The following TTLL7 variants were observed in gnomAD, a reference collection of about 807,000 sequenced individuals.
TTLL7 encodes the protein tubulin polyglutamylase TTLL7.
TTLL7 carries 53 observed loss-of-function variants against 120.2 expected under a neutral mutation model. That is an observed-to-expected ratio of 0.44 (90% confidence interval 0.35 to 0.55). TTLL7 has a LOEUF of 0.55. Ranked by LOEUF, TTLL7 falls within the 20% of genes least tolerant of loss-of-function variation. The pLI, the probability that TTLL7 is intolerant of heterozygous loss-of-function variation, is 0.00. For synonymous variants in TTLL7, 353 were observed against 351.7 expected (o/e 1.00, Z -0.04); for missense variants, 803 against 1,054.7 (o/e 0.76, Z 3.31).
At chr1:83,974,226 T>C (rs761556862) in intron 1 of TTLL7, among the ~76,000 whole-genome samples, 1 of 151,994 alleles carries the variant, frequency 6.6e-6, no homozygotes, top group African/African-American at 2.4e-5. Context: ...GAATGCATAC[T>C]AAGTATTACG....
chr1:83,988,434 G>C (rs1652681933), intron 1 of TTLL7, among the ~76,000 whole-genome samples: 1 of 152,198 alleles, frequency 6.6e-6, no homozygotes, highest in South Asian at 2.1e-4. Flanking sequence ...TAGTAGTTCT[G>C]TTTTAAGTTA....
intron 14 of TTLL7, among the ~76,000 whole-genome samples, chr1:83,917,138 T>A (rs1416416976): frequency 6.6e-6 from 1 of 151,422 alleles, no homozygotes; most frequent in African/African-American, 2.4e-5. Context: ...AGATGTCATC[T>A]ACATGACAGC....
At chr1:83,897,826 C>T (rs996203713) in intron 18 of TTLL7, among the ~76,000 whole-genome samples, 4 of 148,678 alleles carry the variant, frequency 2.7e-5, no homozygotes, top group African/African-American at 7.4e-5. Flanking sequence ...TGCCTACTTG[C>T]GCTCTCTCTC....
At chr1:83,997,275 A>C (rs1366799053) in intron 1 of TTLL7, among the ~76,000 whole-genome samples, 2 of 152,218 alleles carry the variant, frequency 1.3e-5, no homozygotes, top group African/African-American at 4.8e-5. Flanking sequence ...CATCTGTACT[A>C]TAGCAACCTG....
chr1:83,896,223 G>A (rs1656207015), intron 18 of TTLL7, among the ~76,000 whole-genome samples: 1 of 151,958 alleles, frequency 6.6e-6, no homozygotes, highest in South Asian at 2.1e-4. Flanking sequence ...TAGAATATAG[G>A]TATCCATTTC....
intron 1 of TTLL7, chr1:83,979,866 T>C (rs1286599511): frequency 2.6e-5 from 4 of 152,218 alleles, no homozygotes; most frequent in African/African-American, 4.8e-5. Context: ...GACTTGCTTA[T>C]GGCAAATTTT....
chr1:83,930,794 T>C (rs1659532822), intron 9 of TTLL7, among the ~76,000 whole-genome samples: 1 of 152,092 alleles, frequency 6.6e-6, no homozygotes, highest in South Asian at 2.1e-4. Context: ...GCCAGGCATA[T>C]CCCTCCTCCA....
chr1:83,902,656 A>G (rs1299833955), intron 18 of TTLL7, among the ~76,000 whole-genome samples: 7 of 151,834 alleles, frequency 4.6e-5, no homozygotes, highest in Non-Finnish European at 8.8e-5. Context: ...TGATTTCTAC[A>G]TGTAGGAGTG....
At chr1:83,985,599 A>C (rs1052620339) in intron 1 of TTLL7, among the ~76,000 whole-genome samples, 2 of 152,188 alleles carry the variant, frequency 1.3e-5, no homozygotes, top group Non-Finnish European at 2.9e-5. Flanking sequence ...AGTCACCAAC[A>C]TCAAAAATGA....
In TTLL7 at chr1:83,933,782, A is replaced by C; in HGVS notation, c.889-16T>G. On this transcript the variant is annotated splice_polypyrimidine_tract_variant and intron_variant, in intron 8 of 20. Transcript: ENST00000260505. ...CCACCAATTCCTATAAGATTGTGAT[A>C]AAAGAAGTGAAAATGCCTTTGTATC... The C allele has an allele frequency of 6.3e-7, 1 of 1,591,982 alleles. No homozygotes were observed.
intron 18 of TTLL7, among the ~76,000 whole-genome samples, chr1:83,900,500 T>G (rs535685332): frequency 7.2e-5 from 11 of 151,940 alleles, no homozygotes; most frequent in Non-Finnish European, 1.5e-4. Context: ...ATATGTGGTG[T>G]GTGAGATTGT....
rs74936262 is a variant in TTLL7 at position 83,875,626 on chromosome 1, G to A, written c.2544-5544C>T. On this transcript the variant is annotated intron_variant, in intron 20 of 20. Transcript: ENST00000260505. ...TACCAACTTTCACTTTACAAGCAGG[G>A]TAAGAGAGTTCCTATTACTCTATGT... 6.4e-3 allele frequency among the ~76,000 whole-genome samples: 973 copies of A among 151,950 alleles called. 18 individuals are homozygous for A. The highest frequency in any genetic ancestry group is 0.022 in the African/African-American group (927 of 41,504).
chr1:83,905,452 C>T (rs996113366), intron 17 of TTLL7, among the ~76,000 whole-genome samples: 1 of 150,540 alleles, frequency 6.6e-6, no homozygotes, highest in East Asian at 2.0e-4. Context: ...TGCTAAAAAA[C>T]GAAAATGCCA....
chr1:83,887,119 C>CA (rs1655038792), intron 19 of TTLL7: 1 of 580,306 alleles, frequency 1.7e-6, no homozygotes. Flanking sequence ...GGAAACCTAC[C>CA]ACAAAGATCT....
Position 83,921,149 on chromosome 1 carries a change from G to GA in TTLL7, c.1301dup (p.Ala435ArgfsTer13). On this transcript the variant is annotated frameshift_variant, in exon 12 of 21. Coordinates refer to ENST00000260505, the MANE Select transcript of TTLL7 (RefSeq NM_024686.6). LOFTEE classifies it high-confidence loss of function. ...GTGAGATCTGCTTTCGTACTTGAGC[G>GA]AGTCTCTCTTTCTGGAAATGAGAAA... 1.2e-6 allele frequency: 2 copies of GA among 1,612,612 alleles called. No individual in the cohort carries two copies. The highest frequency in any genetic ancestry group is 1.7e-6 in the Non-Finnish European group (2 of 1,179,488).
chr1:83,897,662 T>A (rs1656355115), intron 18 of TTLL7, among the ~76,000 whole-genome samples: 1 of 151,986 alleles, frequency 6.6e-6, no homozygotes, highest in Non-Finnish European at 1.5e-5. Context: ...CTGCTCACTG[T>A]GATCCCTTCA....
chr1:83,914,456 C>T (rs1397226819), intron 14 of TTLL7, among the ~76,000 whole-genome samples: 3 of 151,466 alleles, frequency 2.0e-5, no homozygotes, highest in African/African-American at 4.9e-5. Flanking sequence ...TTCAGCCTCC[C>T]GAGTAGCTGG....
At chr1:83,952,163 A>C (rs776225308) in intron 2 of TTLL7, 24 bp downstream of exon 2, 5 of 1,610,570 alleles carry the variant, frequency 3.1e-6, no homozygotes, top group Non-Finnish European at 4.2e-6. Context: ...ATATTTTGTA[A>C]CATAGTTAAG....
intron 20 of TTLL7, among the ~76,000 whole-genome samples, chr1:83,876,557 A>G (rs1042997403): frequency 6.6e-6 from 1 of 152,020 alleles, no homozygotes; most frequent in Non-Finnish European, 1.5e-5. Flanking sequence ...AAGAACTGAC[A>G]TATCAATAAT....
Sources: allele counts gnomAD v4.1 joint callset (sites outside exome capture counted in the v4.1 genomes callset), GRCh38; gene constraint gnomAD v4.1.1; transcripts MANE v1.5; gene names NCBI Gene and HGNC (gene_info 2026-07-23, HGNC 2026-07-21).